The following SEMA4D variants were observed in gnomAD, a reference collection of about 807,000 sequenced individuals.
SEMA4D encodes the protein semaphorin-4D.
In SEMA4D, 22 loss-of-function variants were observed where a neutral mutation model predicts 74.8. The ratio of observed to expected loss-of-function variants is 0.29; its 90% CI spans 0.21 to 0.42. The LOEUF (loss-of-function observed/expected upper bound fraction) is 0.42. SEMA4D is among the 10% of genes least tolerant of loss of function. The pLI, the probability that SEMA4D is intolerant of heterozygous loss-of-function variation, is 1.00. For missense variants in SEMA4D, 937 were observed against 1,118.4 expected, an observed-to-expected ratio of 0.84 and a Z score of 2.31; for synonymous variants, 445 against 463.7, an observed-to-expected ratio of 0.96 and a Z score of 0.52.
At chr9:89,361,404 G>A (rs1293075402) in exon 19 of SEMA4D, 1 of 152,228 alleles carries the variant, frequency 6.6e-6, no homozygotes, top group Non-Finnish European at 1.5e-5. Flanking sequence ...GGTGCGGCTT[G>A]ACTTTTAACA....
At chr9:89,430,140 A>C (rs1435325357) in intron 2 of SEMA4D, among the ~76,000 whole-genome samples, 1 of 152,088 alleles carries the variant, frequency 6.6e-6, no homozygotes, top group Non-Finnish European at 1.5e-5. Flanking sequence ...AGTTCTGGAA[A>C]TATTTCACAC....
Position 89,387,530 on chromosome 9 carries a change from C to T in SEMA4D, c.1186G>A (p.Asp396Asn), listed in dbSNP as rs1202370424. The T allele has an allele frequency of 6.2e-7, 1 of 1,614,226 alleles. No homozygotes were observed. The highest frequency in any genetic ancestry group is 8.5e-7 in the Non-Finnish European group (1 of 1,180,044). The change falls in exon 12 of 16, where the codon GAC (aspartate) becomes AAC (asparagine). Residue 396 changes from aspartate (D) to asparagine (N), a missense_variant. Transcript: ENST00000422704. ...ACCGAGTCATCCATCAAAGGGTGGTCTTTAACGAACTGCAGCGTCTTGTCT... is the reference window on the plus strand; with the variant it reads ...ACCGAGTCATCCATCAAAGGGTGGTTTTTAACGAACTGCAGCGTCTTGTCT... ...LPDKTLQFVK[D>N]HPLMDDSVTP...
Position 89,430,428 on chromosome 9 carries a change from C to T in SEMA4D, c.-243-24729G>A, listed in dbSNP as rs145279596. ...TCTCTAGGGGTGGCTATTGTCCAGACGCAAAACCCACCCAGGGCAGGAGCC... is the reference window on the plus strand; with the variant it reads ...TCTCTAGGGGTGGCTATTGTCCAGATGCAAAACCCACCCAGGGCAGGAGCC... On this transcript the variant is annotated intron_variant, in intron 2 of 15. Coordinates refer to ENST00000422704, the MANE Select transcript of SEMA4D (RefSeq NM_001371194.2). Among the ~76,000 whole-genome samples the T allele has an allele frequency of 7.6e-3, 1,157 of 152,244 alleles. 6 individuals carry two copies. Among genetic ancestry groups the T allele is most frequent in the Middle Eastern group, 0.014 (4 of 294 alleles).
chr9:89,413,451 C>CATCT (rs1196704532), intron 2 of SEMA4D, among the ~76,000 whole-genome samples: 1 of 152,248 alleles, frequency 6.6e-6, no homozygotes, highest in Non-Finnish European at 1.5e-5. Context: ...GACACATGTA[C>CATCT]ATCTGTGTGT....
At chr9:89,489,235 C>T (rs889450983) in intron 1 of SEMA4D, among the ~76,000 whole-genome samples, 2 of 152,230 alleles carry the variant, frequency 1.3e-5, no homozygotes, top group Non-Finnish European at 2.9e-5. Context: ...TAAACATCTA[C>T]TTACCATGAA....
At position 89,484,827 on chromosome 9, in the gene SEMA4D, A is replaced by C. The variant is rs949349207; in HGVS notation, c.-310+13092T>G. 6.1e-5 allele frequency among the ~76,000 whole-genome samples: 8 copies of C among 130,982 alleles called. No homozygotes were observed. Among genetic ancestry groups the C allele is most frequent in the African/African-American group, 2.1e-4 (7 of 33,720 alleles). The allele number at this position is 130,982 out of a possible 152,430, so 85.9% of individuals were successfully genotyped here. On this transcript the variant is annotated intron_variant, in intron 1 of 15. Coordinates refer to ENST00000422704, the MANE Select transcript of SEMA4D (RefSeq NM_001371194.2). This position sits in a 1 kb window ranked among gnomAD's most constrained non-coding sequence, Gnocchi z 4.1. ...TGTGTGGTGGGTGTGTGGTGTGTGGATGTATTGTGTGGTGTGTGTGTAATG... is the reference window on the plus strand; with the variant it reads ...TGTGTGGTGGGTGTGTGGTGTGTGGCTGTATTGTGTGGTGTGTGTGTAATG...
chr9:89,473,672 C>T (rs999938985), intron 1 of SEMA4D, among the ~76,000 whole-genome samples: 13 of 152,072 alleles, frequency 8.5e-5, no homozygotes, highest in African/African-American at 3.1e-4. Context: ...GCCTGCCCAA[C>T]ATGGTGAAAC....
At chr9:89,477,255 T>TACAC (rs61454447) in intron 1 of SEMA4D, among the ~76,000 whole-genome samples, 1,524 of 148,488 alleles carry the variant, frequency 0.01, 30 homozygotes, top group South Asian at 0.069. Context: ...TACATGCACG[T>TACAC]ACACACACAC....
chr9:89,477,319 C>CACACACAA (rs1862018603), intron 1 of SEMA4D, among the ~76,000 whole-genome samples: 1 of 152,118 alleles, frequency 6.6e-6, no homozygotes, highest in South Asian at 2.1e-4. Context: ...CCCCCCCACA[C>CACACACAA]ACACACAAAC....
intron 1 of SEMA4D, among the ~76,000 whole-genome samples, chr9:89,483,055 G>A (rs1824850102): frequency 1.3e-5 from 2 of 152,188 alleles, no homozygotes; most frequent in African/African-American, 2.4e-5. Context: ...TTTAAAAATC[G>A]CCTTCTCACC....
chr9:89,469,165 A>G (rs1451276095), intron 1 of SEMA4D, among the ~76,000 whole-genome samples: 1 of 140,866 alleles, frequency 7.1e-6, no homozygotes, highest in Non-Finnish European at 1.6e-5. Flanking sequence ...TCCGTGCACA[A>G]AGAGTCAACA....
At chr9:89,490,409 G>T (rs1458208547) in intron 1 of SEMA4D, among the ~76,000 whole-genome samples, 1 of 152,228 alleles carries the variant, frequency 6.6e-6, no homozygotes, top group Admixed American at 6.5e-5. Context: ...TTTCATTTAT[G>T]ATTTTTTGGC....
At chr9:89,421,307 T>C (rs1846890347) in intron 2 of SEMA4D, among the ~76,000 whole-genome samples, 1 of 152,146 alleles carries the variant, frequency 6.6e-6, no homozygotes, top group Admixed American at 6.5e-5. Flanking sequence ...AGCACACACC[T>C]CGATGGGGTA....
chr9:89,461,700 C>CTCTT lies in SEMA4D; in HGVS notation c.-309-5748_-309-5747insAAGA, dbSNP rs71281350. Among the ~76,000 whole-genome samples the CTCTT allele has an allele frequency of 9.3e-4, 96 of 103,658 alleles. 3 individuals carry two copies. Among genetic ancestry groups the CTCTT allele is most frequent in the Middle Eastern group, 5.5e-3 (1 of 182 alleles). The allele number at this position is 103,658 out of a possible 152,430, so 68.0% of individuals were successfully genotyped here. On this transcript the variant is annotated intron_variant, in intron 1 of 15. Coordinates refer to ENST00000422704, the MANE Select transcript of SEMA4D (RefSeq NM_001371194.2). Reference sequence around the variant, plus strand: ...GGGCCAATGTGTATTTCTTTTTTCTCTTTTTTTTTTTTTTTTTTTGGAGAC... The same window carrying CTCTT: ...GGGCCAATGTGTATTTCTTTTTTCTCTCTTTTTTTTTTTTTTTTTTTTTGGAGAC...
At chr9:89,387,757 C>G in intron 11 of SEMA4D, 149 bp from the exon 12 acceptor site, 1 of 662,524 alleles carries the variant, frequency 1.5e-6, no homozygotes, top group Non-Finnish European at 2.6e-6. Context: ...AATAACTTTA[C>G]TATGAGGAAA....
At chr9:89,362,894 T>C (rs1832922801) in intron 18 of SEMA4D, among the ~76,000 whole-genome samples, 1 of 152,208 alleles carries the variant, frequency 6.6e-6, no homozygotes. Context: ...TGGACAACTT[T>C]GTCTCCGTGG....
intron 1 of SEMA4D, among the ~76,000 whole-genome samples, chr9:89,486,896 C>T (rs1015110804): frequency 6.6e-6 from 1 of 151,794 alleles, no homozygotes; most frequent in Non-Finnish European, 1.5e-5. Context: ...CCAGCCTGGA[C>T]AACACAGTGA....
chr9:89,416,972 C>G (rs1249635629), intron 2 of SEMA4D, among the ~76,000 whole-genome samples: 2 of 152,208 alleles, frequency 1.3e-5, no homozygotes, highest in Middle Eastern at 3.4e-3. Context: ...CTTCCTTTCC[C>G]CATATATACT....
chr9:89,416,274 G>T (rs150863117), intron 2 of SEMA4D, among the ~76,000 whole-genome samples: 10 of 152,352 alleles, frequency 6.6e-5, no homozygotes, highest in Non-Finnish European at 1.0e-4. Flanking sequence ...CTACAGGCGT[G>T]CAAAGCGACA....
Sources: allele counts gnomAD v4.1 joint callset (sites outside exome capture counted in the v4.1 genomes callset), GRCh38; gene constraint gnomAD v4.1.1; non-coding constraint Gnocchi (gnomAD v3.1); transcripts MANE v1.5; gene names NCBI Gene and HGNC (gene_info 2026-07-23, HGNC 2026-07-21).